Variants in MBNL2 observed in about 807,000 individuals in gnomAD.
MBNL2 encodes the protein muscleblind-like protein 2.
Under a neutral mutation model 41.9 loss-of-function variants are expected in MBNL2, and 17 were observed. The observed-to-expected ratio is 0.41, with a 90% CI of 0.28 to 0.61. The LOEUF (loss-of-function observed/expected upper bound fraction) is 0.61, where lower values mean the gene tolerates loss of function less well. Among genes scored for constraint, MBNL2 ranks in the 20% least tolerant of loss-of-function variants. MBNL2 has a pLI of 0.35. For synonymous variants in MBNL2, 195 were observed against 182.9 expected (o/e 1.07, Z -0.53); for missense variants, 336 against 505.6 (o/e 0.66, Z 3.22).
At chr13:97,363,436 G>GTGTC (rs754296128) in intron 7 of MBNL2, among the ~76,000 whole-genome samples, 1 of 149,136 alleles carries the variant, frequency 6.7e-6, no homozygotes, top group Non-Finnish European at 1.5e-5. Context: ...GTGTGTGTGT[G>GTGTC]TGTGTGTGTG....
the MBNL2 span, among the ~76,000 whole-genome samples, chr13:97,163,470 G>A: frequency 6.6e-6 from 1 of 152,150 alleles, no homozygotes; most frequent in Non-Finnish European, 1.5e-5. Context: ...ATCTGGGAAG[G>A]GGACTGATCT....
intron 1 of MBNL2, among the ~76,000 whole-genome samples, chr13:97,266,164 C>A (rs2049740944): frequency 6.6e-6 from 1 of 152,054 alleles, no homozygotes; most frequent in Non-Finnish European, 1.5e-5. Flanking sequence ...ATCACTTGAA[C>A]CTGGGAGGCG....
chr13:97,187,552 C>G, the MBNL2 span, among the ~76,000 whole-genome samples: 1 of 127,460 alleles, frequency 7.8e-6, no homozygotes, highest in East Asian at 2.5e-4. Flanking sequence ...CCAAACCTGT[C>G]TGTTGCCTTC....
At chr13:97,249,337 CAT>C (rs1430011357) in intron 1 of MBNL2, among the ~76,000 whole-genome samples, 1 of 152,168 alleles carries the variant, frequency 6.6e-6, no homozygotes, top group African/African-American at 2.4e-5. Context: ...ATGGAAATGA[CAT>C]GTTCGCAAGC....
At chr13:97,266,302 A>G (rs1447259540) in intron 1 of MBNL2, among the ~76,000 whole-genome samples, 2 of 152,268 alleles carry the variant, frequency 1.3e-5, no homozygotes, top group Non-Finnish European at 2.9e-5. Flanking sequence ...AAAGGTATCT[A>G]AAAGAAAAAC....
intron 1 of MBNL2, among the ~76,000 whole-genome samples, chr13:97,226,150 A>G (rs2041573420): frequency 6.6e-6 from 1 of 152,184 alleles, no homozygotes; most frequent in African/African-American, 2.4e-5. Context: ...CACGGCTCCA[A>G]CTACACAGTT....
chr13:97,216,578 G>A (rs2040395718), upstream of MBNL2, among the ~76,000 whole-genome samples: 1 of 151,966 alleles, frequency 6.6e-6, no homozygotes, highest in South Asian at 2.1e-4. Flanking sequence ...TTCCTTTCTA[G>A]GGACCAGGCC....
At chr13:97,209,340 C>T in the MBNL2 span, among the ~76,000 whole-genome samples, 1 of 152,162 alleles carries the variant, frequency 6.6e-6, no homozygotes, top group Non-Finnish European at 1.5e-5. Flanking sequence ...CACTAAGAGG[C>T]CTAAATTTTA....
the MBNL2 span, among the ~76,000 whole-genome samples, chr13:97,172,245 T>C: frequency 6.6e-6 from 1 of 152,172 alleles, no homozygotes; most frequent in African/African-American, 2.4e-5. Context: ...GGACTTTAAA[T>C]AGTAGCACTC....
the MBNL2 span, among the ~76,000 whole-genome samples, chr13:97,153,310 CGTGTGTGT>C: frequency 1.3e-5 from 2 of 150,810 alleles, no homozygotes; most frequent in African/African-American, 4.9e-5. Context: ...TGTGTTTGAG[CGTGTGTGT>C]GAGTGTGTGT....
chr13:97,304,630 C>G (rs1038000364), intron 2 of MBNL2, among the ~76,000 whole-genome samples: 1 of 151,968 alleles, frequency 6.6e-6, no homozygotes, highest in Non-Finnish European at 1.5e-5. Context: ...TGATCTTATG[C>G]AAGTCATTTG....
At chr13:97,330,596 T>G (rs1213999080) in intron 2 of MBNL2, among the ~76,000 whole-genome samples, 1 of 152,256 alleles carries the variant, frequency 6.6e-6, no homozygotes, top group Non-Finnish European at 1.5e-5. Flanking sequence ...AGACACTATT[T>G]TTGACACCTC....
At chr13:97,240,519 T>C (rs2044068462) in intron 1 of MBNL2, among the ~76,000 whole-genome samples, 1 of 152,204 alleles carries the variant, frequency 6.6e-6, no homozygotes, top group Non-Finnish European at 1.5e-5. Context: ...TAACCACCAA[T>C]GAATGCTATA....
chr13:97,178,151 C>A, the MBNL2 span, among the ~76,000 whole-genome samples: 1 of 152,054 alleles, frequency 6.6e-6, no homozygotes, highest in African/African-American at 2.4e-5. Flanking sequence ...AAAGAAAATG[C>A]GAGGAACATA....
intron 2 of MBNL2, among the ~76,000 whole-genome samples, chr13:97,326,203 A>G (rs563801672): frequency 6.6e-6 from 1 of 152,320 alleles, no homozygotes; most frequent in African/African-American, 2.4e-5. Context: ...CTTCATTCCC[A>G]CTTTTCTTTA....
the MBNL2 span, among the ~76,000 whole-genome samples, chr13:97,195,862 T>C: frequency 2.0e-5 from 3 of 152,156 alleles, no homozygotes; most frequent in Admixed American, 6.5e-5. Context: ...TGTTTTTTTC[T>C]CTAATGGTAC....
At chr13:97,187,731 C>T in the MBNL2 span, among the ~76,000 whole-genome samples, 320 of 151,292 alleles carry the variant, frequency 2.1e-3, 1 homozygote, top group Non-Finnish European at 3.3e-3. Context: ...CACACTGAAA[C>T]CCCGTCTCTA....
chr13:97,199,873 A>G, the MBNL2 span, among the ~76,000 whole-genome samples: 1 of 152,248 alleles, frequency 6.6e-6, no homozygotes, highest in Non-Finnish European at 1.5e-5. Flanking sequence ...GATAAAACCT[A>G]AGGGACTCAT....
the MBNL2 span, among the ~76,000 whole-genome samples, chr13:97,159,005 C>T: frequency 6.7e-6 from 1 of 150,284 alleles, no homozygotes; most frequent in Non-Finnish European, 1.5e-5. Flanking sequence ...GTGTTAAAGT[C>T]TCCCATTATT....
Sources: gnomAD v4.1 joint callset for allele counts (sites outside exome capture counted in the v4.1 genomes callset) on GRCh38, gnomAD v4.1.1 for gene constraint, MANE v1.5 for transcripts, NCBI Gene and HGNC (gene_info 2026-07-23, HGNC 2026-07-21) for gene names.